QKI: variants seen among roughly 807,000 people sequenced by gnomAD.
QKI encodes the protein QKI, KH domain containing RNA binding, also known as KH domain-containing RNA-binding protein QKI.
Under a neutral mutation model 39.0 loss-of-function variants are expected in QKI, and 10 were observed. The ratio of observed to expected loss-of-function variants is 0.26; its 90% CI spans 0.16 to 0.43. The LOEUF (loss-of-function observed/expected upper bound fraction) is 0.43, where lower values mean the gene tolerates loss of function less well. QKI is among the 20% of genes least tolerant of loss of function. QKI has a pLI of 1.00. For missense variants in QKI, 218 were observed against 428.0 expected (o/e 0.51, Z 4.33); for synonymous variants, 204 against 155.4 (o/e 1.31, Z -2.33).
At chr6:163,461,631 G>T (rs905088317) in intron 2 of QKI, among the ~76,000 whole-genome samples, 1 of 152,120 alleles carries the variant, frequency 6.6e-6, no homozygotes, top group East Asian at 1.9e-4. Context: ...TAAGATTCTT[G>T]CTGAAATAGC....
At chr6:163,441,092 C>A (rs548285072) in intron 1 of QKI, among the ~76,000 whole-genome samples, 1 of 152,024 alleles carries the variant, frequency 6.6e-6, no homozygotes, top group Non-Finnish European at 1.5e-5. Flanking sequence ...TTGTGCAATC[C>A]TGGCAGGAGC....
intron 4 of QKI, among the ~76,000 whole-genome samples, chr6:163,535,541 C>T (rs144863578): frequency 0.076 from 11,353 of 148,510 alleles, 627 homozygotes; most frequent in East Asian, 0.26. Context: ...TTTTTTTTAA[C>T]GGGAAATGAA....
intron 3 of QKI, among the ~76,000 whole-genome samples, chr6:163,510,989 C>G (rs1339007649): frequency 6.6e-6 from 1 of 152,162 alleles, no homozygotes; most frequent in Non-Finnish European, 1.5e-5. Context: ...TTTTCACATG[C>G]ATATGGTACA....
rs1313584328 is a variant in QKI at position 163,516,131 on chromosome 6, T to TC, written c.403-18850dup. Among the ~76,000 whole-genome samples, 4 of 152,164 alleles carry TC rather than the reference T, an allele frequency of 2.6e-5. No homozygotes were observed. The East Asian group carries it at 5.8e-4, about 22-fold the overall frequency. On this transcript the variant is annotated intron_variant, in intron 3 of 7. Coordinates refer to ENST00000361752, the MANE Select transcript of QKI (RefSeq NM_006775.3). Reference sequence around the variant, plus strand: ...TTGTTTTGTGGGTCCTTCATTAATGTCTTTCCTTAGGAGTGCAGGCAATTT... The same window carrying TC: ...TTGTTTTGTGGGTCCTTCATTAATGTCCTTTCCTTAGGAGTGCAGGCAATTT...
intron 1 of QKI, among the ~76,000 whole-genome samples, chr6:163,432,316 C>T (rs890043944): frequency 6.6e-6 from 1 of 151,964 alleles, no homozygotes; most frequent in African/African-American, 2.4e-5. Flanking sequence ...GAATCTAGGT[C>T]TAGGAACAAT....
At chr6:163,427,243 C>CTTTTTTTTT (rs11375326) in intron 1 of QKI, among the ~76,000 whole-genome samples, 5 of 85,794 alleles carry the variant, frequency 5.8e-5, no homozygotes, top group Non-Finnish European at 6.7e-5. Context: ...ATACTCGTAC[C>CTTTTTTTTT]TTTTTTTTTT....
chr6:163,568,061 C>T (rs1783473336), intron 7 of QKI: 1 of 985,154 alleles, frequency 1.0e-6, no homozygotes, highest in Admixed American at 6.2e-5. Context: ...TAGACCCCAG[C>T]TCCGTGGTCG....
chr6:163,524,451 TTC>T (rs1457941326), intron 3 of QKI, among the ~76,000 whole-genome samples: 5 of 152,216 alleles, frequency 3.3e-5, no homozygotes, highest in African/African-American at 9.6e-5. Context: ...TTCCCAGTAT[TTC>T]TGTTTAATTT....
chr6:163,417,339 TAAA>T (rs763556391), intron 1 of QKI, among the ~76,000 whole-genome samples: 68 of 152,238 alleles, frequency 4.5e-4, no homozygotes, highest in Admixed American at 2.6e-3. Flanking sequence ...TAGGGTTAAT[TAAA>T]ATTAAATTGC....
chr6:163,542,376 G>C (rs994824569), intron 4 of QKI, among the ~76,000 whole-genome samples: 7 of 151,962 alleles, frequency 4.6e-5, no homozygotes, highest in African/African-American at 1.7e-4. Context: ...ACACAAGAAT[G>C]GTGAAATTGG....
intron 3 of QKI, among the ~76,000 whole-genome samples, chr6:163,533,050 T>A (rs1780961191): frequency 6.6e-6 from 1 of 151,954 alleles, no homozygotes; most frequent in Non-Finnish European, 1.5e-5. Context: ...GAAACAGAAG[T>A]CCCTCATATA....
At chr6:163,486,139 C>T (rs893757052) in intron 3 of QKI, among the ~76,000 whole-genome samples, 1 of 152,152 alleles carries the variant, frequency 6.6e-6, no homozygotes, top group African/African-American at 2.4e-5. Context: ...ACTCTTCCAA[C>T]GGAAATGGAG....
chr6:163,534,644 G>A (rs1010199254), intron 3 of QKI, among the ~76,000 whole-genome samples: 9 of 152,156 alleles, frequency 5.9e-5, no homozygotes, highest in African/African-American at 2.2e-4. Flanking sequence ...GTAATGTAAG[G>A]ACAGTATCAG....
intron 2 of QKI, among the ~76,000 whole-genome samples, chr6:163,473,559 C>T (rs1792361039): frequency 6.6e-6 from 1 of 152,136 alleles, no homozygotes; most frequent in Non-Finnish European, 1.5e-5. Flanking sequence ...AAAAATGAGA[C>T]ATCGTTTCAG....
intron 7 of QKI, chr6:163,568,534 A>C (rs1157640101): frequency 1.0e-6 from 1 of 981,986 alleles, no homozygotes; most frequent in Admixed American, 6.2e-5. Flanking sequence ...TCGTATACTT[A>C]TCACTGTATG....
intron 3 of QKI, among the ~76,000 whole-genome samples, chr6:163,519,157 C>G (rs147360119): frequency 2.6e-5 from 4 of 152,224 alleles, no homozygotes; most frequent in African/African-American, 9.6e-5. Context: ...TCCCTTTCCC[C>G]AATCAGATTC....
chr6:163,521,466 G>A (rs1780150854), intron 3 of QKI, among the ~76,000 whole-genome samples: 1 of 152,024 alleles, frequency 6.6e-6, no homozygotes, highest in Non-Finnish European at 1.5e-5. Flanking sequence ...ACTTTCAAAG[G>A]TTGAAAGTCA....
At chr6:163,421,555 C>T (rs966631571) in intron 1 of QKI, among the ~76,000 whole-genome samples, 8 of 131,510 alleles carry the variant, frequency 6.1e-5, no homozygotes, top group Non-Finnish European at 1.3e-4. Context: ...TTCAGGATAA[C>T]GACTGTATTT....
chr6:163,558,320 C>T (rs371843127), intron 4 of QKI, among the ~76,000 whole-genome samples: 2 of 152,008 alleles, frequency 1.3e-5, no homozygotes, highest in Non-Finnish European at 2.9e-5. Context: ...TTGTCAAAAC[C>T]AGGACAGTAA....
Sources: allele counts gnomAD v4.1 joint callset (sites outside exome capture counted in the v4.1 genomes callset), GRCh38; gene constraint gnomAD v4.1.1; transcripts MANE v1.5; gene names NCBI Gene and HGNC (gene_info 2026-07-23, HGNC 2026-07-21).